The following ZNF90 variants were observed in gnomAD, a reference collection of about 807,000 sequenced individuals.
ZNF90 encodes the protein zinc finger protein 90, also known as zinc finger protein HTF9.
A neutral mutation model predicts 12.0 loss-of-function variants in ZNF90; 11 were observed. The ratio of observed to expected loss-of-function variants is 0.92; its 90% CI spans 0.58 to 1.52. The LOEUF is 1.52. Ranked by LOEUF, ZNF90 falls within the 40% of genes most tolerant of loss-of-function variation. The pLI is 0.00. For synonymous variants in ZNF90, 232 were observed against 240.1 expected (o/e 0.97, Z 0.31); for missense variants, 765 against 711.5 (o/e 1.08, Z -0.86).
chr19:20,103,823 A>G (rs914279409), intron 1 of ZNF90, among the ~76,000 whole-genome samples: 1 of 152,056 alleles, frequency 6.6e-6, no homozygotes, highest in Non-Finnish European at 1.5e-5. Context: ...TCTTCTGGAA[A>G]AAAAAAAAGA....
At chr19:20,095,906 A>T (rs782256523) in intron 1 of ZNF90, among the ~76,000 whole-genome samples, 3 of 152,200 alleles carry the variant, frequency 2.0e-5, no homozygotes, top group Admixed American at 6.5e-5. Flanking sequence ...GGACCAAGGC[A>T]GGTGTCCCTG....
At chr19:20,106,224 GTATT>G (rs1158724171) in intron 3 of ZNF90, among the ~76,000 whole-genome samples, 27 of 151,492 alleles carry the variant, frequency 1.8e-4, no homozygotes, top group African/African-American at 2.9e-4. Context: ...AATTTACTGA[GTATT>G]TATTATTTGA....
intron 1 of ZNF90, chr19:20,079,889 C>CGG (rs77378294): frequency 0.061 from 25,594 of 418,254 alleles, 1,572 homozygotes; most frequent in East Asian, 0.24. Context: ...ACTGCTCCTT[C>CGG]GGGAGACTGC....
intron 1 of ZNF90, among the ~76,000 whole-genome samples, chr19:20,081,926 G>A (rs545413498): frequency 2.6e-4 from 40 of 151,702 alleles, no homozygotes; most frequent in African/African-American, 8.9e-4. Flanking sequence ...CACTACCCCC[G>A]GCTAATTTTT....
intron 1 of ZNF90, among the ~76,000 whole-genome samples, chr19:20,102,560 G>A (rs1297492874): frequency 6.6e-6 from 1 of 152,176 alleles, no homozygotes; most frequent in African/African-American, 2.4e-5. Context: ...TTCTATAGAA[G>A]TATATTTGCC....
chr19:20,105,756 T>G (rs2089030758), intron 3 of ZNF90, among the ~76,000 whole-genome samples: 1 of 152,236 alleles, frequency 6.6e-6, no homozygotes, highest in South Asian at 2.1e-4. Flanking sequence ...CCATTCTGTT[T>G]TTATTACTAT....
At chr19:20,115,273 T>A (rs1293006939) in intron 3 of ZNF90, among the ~76,000 whole-genome samples, 1 of 152,126 alleles carries the variant, frequency 6.6e-6, no homozygotes, top group Non-Finnish European at 1.5e-5. Context: ...AATAAACTTT[T>A]TTATTGAAAG....
In ZNF90 at chr19:20,118,032, T is replaced by A; in HGVS notation, c.478T>A (p.Ser160Thr). 6.2e-7 allele frequency: 1 copy of A among 1,611,970 alleles called. No homozygotes were observed. The highest frequency in any genetic ancestry group is 8.5e-7 in the Non-Finnish European group (1 of 1,178,936). The change falls in exon 4 of 4, where the codon TCA (serine) becomes ACA (threonine). Residue 160 changes from serine (S) to threonine (T), a missense_variant. Physicochemically the swap from Ser to Thr is moderately conservative, Grantham distance 58. Coordinates refer to ENST00000418063, the MANE Select transcript of ZNF90 (RefSeq NM_007138.2). ...GAAAGTCTCTCATATATTTTCAAATTCAAACAGACATAAGATAAGAGATAC... is the reference window on the plus strand; with the variant it reads ...GAAAGTCTCTCATATATTTTCAAATACAAACAGACATAAGATAAGAGATAC... ...YVKVSHIFSN[S>T]NRHKIRDTGK...
At chr19:20,079,937 CT>C (rs113327735) in intron 1 of ZNF90, 24,813 of 315,906 alleles carry the variant, frequency 0.079, 2 homozygotes, top group South Asian at 0.12. Flanking sequence ...CGTATTTCCT[CT>C]TTTTTTTTTT....
rs1409574396 is a variant in ZNF90, at chr19:20,119,329, C to A, written c.1775C>A (p.Ala592Asp). 1 of 1,600,386 alleles carries A rather than the reference C, an allele frequency of 6.2e-7. No individual in the cohort carries two copies. Among genetic ancestry groups the A allele is most frequent in the Admixed American group, 1.7e-5 (1 of 57,246 alleles). The change falls in exon 4 of 4, where the codon GCC (alanine) becomes GAC (aspartate). Residue 592 changes from alanine (A) to aspartate (D), a missense_variant. Coordinates refer to ENST00000418063, the MANE Select transcript of ZNF90 (RefSeq NM_007138.2). Reference sequence around the variant, plus strand: ...AAGAGGATTCATATTGGACAGAAAGCCTACATAGTGAAGAACATGGCAAAT... The same window carrying A: ...AAGAGGATTCATATTGGACAGAAAGACTACATAGTGAAGAACATGGCAAAT... The part of the protein sequence containing the change: ...THKRIHIGQK[A>D]YIVKNMANL
chr19:20,096,693 G>A (rs2122495746), intron 1 of ZNF90, among the ~76,000 whole-genome samples: 1 of 152,248 alleles, frequency 6.6e-6, no homozygotes. Context: ...CACTTCTTTT[G>A]TGATTCTTCA....
At chr19:20,104,447 G>A in intron 2 of ZNF90, 82 bp downstream of exon 2, 3 of 1,473,146 alleles carry the variant, frequency 2.0e-6, no homozygotes, top group Non-Finnish European at 9.1e-7. Flanking sequence ...TTTTAGTAAT[G>A]TATTGTTTGC....
chr19:20,083,076 T>C (rs782733052), intron 1 of ZNF90, among the ~76,000 whole-genome samples: 2 of 152,172 alleles, frequency 1.3e-5, no homozygotes, highest in African/African-American at 2.4e-5. Context: ...GCTATTACCC[T>C]ATTGTCCTGC....
At chr19:20,086,440 T>C (rs2088860636) in intron 1 of ZNF90, among the ~76,000 whole-genome samples, 1 of 151,876 alleles carries the variant, frequency 6.6e-6, no homozygotes, top group Non-Finnish European at 1.5e-5. Flanking sequence ...GTTATCATGT[T>C]CACCAGCTTA....
intron 1 of ZNF90, among the ~76,000 whole-genome samples, chr19:20,103,966 G>A (rs782079390): frequency 6.6e-6 from 1 of 152,100 alleles, no homozygotes; most frequent in Non-Finnish European, 1.5e-5. Context: ...ACTCAAAAAT[G>A]TACATGTTCA....
Position 20,119,306 on chromosome 19 carries a change from G to C in ZNF90, c.1752G>C (p.Lys584Asn), listed in dbSNP as rs782753176. The change falls in exon 4 of 4, where the codon AAG becomes AAC. Residue 584 changes from lysine (K) to asparagine (N), a missense_variant. Lys to Asn is a moderately conservative substitution (Grantham distance 94, BLOSUM62 0). Coordinates refer to ENST00000418063, the MANE Select transcript of ZNF90 (RefSeq NM_007138.2). ...FNLSSDLNTH[K>N]RIHIGQKAYI... ...TGTCCTCAGACCTTAATACACATAA[G>C]AGGATTCATATTGGACAGAAAGCCT... 2 of 1,610,294 alleles carry C rather than the reference G, an allele frequency of 1.2e-6. No individual in the cohort carries two copies. Among genetic ancestry groups the C allele is most frequent in the Non-Finnish European group, 1.7e-6 (2 of 1,178,112 alleles).
At chr19:20,112,658 A>G (rs2089100274) in intron 3 of ZNF90, among the ~76,000 whole-genome samples, 1 of 152,202 alleles carries the variant, frequency 6.6e-6, no homozygotes, top group Admixed American at 6.5e-5. Flanking sequence ...GCAAATGCTG[A>G]TGAACCCTCT....
intron 3 of ZNF90, among the ~76,000 whole-genome samples, chr19:20,110,238 A>G (rs1417250434): frequency 1.3e-5 from 2 of 152,144 alleles, no homozygotes; most frequent in Non-Finnish European, 2.9e-5. Flanking sequence ...TACAATAAAC[A>G]TGGATTTTCA....
chr19:20,103,886 C>G lies in ZNF90; in HGVS notation c.4-353C>G, dbSNP rs938632302. 9.2e-5 allele frequency among the ~76,000 whole-genome samples: 14 copies of G among 151,874 alleles called. 1 individual carries two copies. Among genetic ancestry groups the G allele is most frequent in the Admixed American group, 7.2e-4 (11 of 15,252 alleles). ...TGTACATATTAAAATTTGAGAGGTG[C>G]CTTCTAAGTCACCGTGTCTTTTCTG... On this transcript the variant is annotated intron_variant, in intron 1 of 3. Coordinates refer to ENST00000418063, the MANE Select transcript of ZNF90 (RefSeq NM_007138.2).
Sources: gnomAD v4.1 joint callset for allele counts (sites outside exome capture counted in the v4.1 genomes callset) on GRCh38, gnomAD v4.1.1 for gene constraint, MANE v1.5 for transcripts, NCBI Gene and HGNC (gene_info 2026-07-23, HGNC 2026-07-21) for gene names.